Variants in PEAK1 observed in about 807,000 individuals in gnomAD.
The protein encoded by PEAK1 is inactive tyrosine-protein kinase PEAK1.
PEAK1 carries 54 observed loss-of-function variants against 124.7 expected under a neutral mutation model. The observed-to-expected ratio is 0.43, with a 90% CI of 0.35 to 0.54. The LOEUF (loss-of-function observed/expected upper bound fraction) is 0.54. Ranked by LOEUF, PEAK1 falls within the 20% of genes least tolerant of loss-of-function variation. PEAK1 has a pLI of 0.01. For missense variants in PEAK1, 2,046 were observed against 2,134.5 expected (o/e 0.96, Z 0.82); for synonymous variants, 719 against 760.0 (o/e 0.95, Z 0.89).
chr15:77,236,382 G>A (rs1471690062), intron 6 of PEAK1, among the ~76,000 whole-genome samples: 1 of 152,208 alleles, frequency 6.6e-6, no homozygotes, highest in Non-Finnish European at 1.5e-5. Context: ...ATCATTTTGG[G>A]ACTTTAAGAT....
chr15:77,283,284 CTTTCT>C (rs1416091889), intron 5 of PEAK1, among the ~76,000 whole-genome samples: 2 of 152,144 alleles, frequency 1.3e-5, no homozygotes, highest in Non-Finnish European at 1.5e-5. Flanking sequence ...GGAGATCCTC[CTTTCT>C]TTTATTAGTT....
intron 6 of PEAK1, among the ~76,000 whole-genome samples, chr15:77,195,838 G>A (rs764037045): frequency 2.0e-5 from 3 of 152,170 alleles, no homozygotes; most frequent in Non-Finnish European, 2.9e-5. Flanking sequence ...ATGTGTTGCC[G>A]ACGCTCCATC....
At chr15:77,264,156 T>A (rs1227561182) in intron 5 of PEAK1, among the ~76,000 whole-genome samples, 1 of 152,132 alleles carries the variant, frequency 6.6e-6, no homozygotes, top group Non-Finnish European at 1.5e-5. Flanking sequence ...TCATACTGAA[T>A]GGGCAAAAAC....
At chr15:77,365,979 A>C (rs1396027058) in intron 1 of PEAK1, among the ~76,000 whole-genome samples, 11 of 152,184 alleles carry the variant, frequency 7.2e-5, no homozygotes, top group Admixed American at 7.2e-4. Context: ...AAATAAAACC[A>C]ATGTCTACTA....
chr15:77,369,472 A>C (rs146550673), intron 1 of PEAK1, among the ~76,000 whole-genome samples: 1 of 152,148 alleles, frequency 6.6e-6, no homozygotes, highest in African/African-American at 2.4e-5. Context: ...CAAGTACCCT[A>C]ATCAACTAAA....
intron 1 of PEAK1, among the ~76,000 whole-genome samples, chr15:77,415,610 TAGC>T (rs957457628): frequency 2.6e-5 from 4 of 152,228 alleles, no homozygotes; most frequent in African/African-American, 9.6e-5. Context: ...CCTTCACTCT[TAGC>T]AGATGATCAA....
chr15:77,134,634 T>C (rs971592977), intron 8 of PEAK1, among the ~76,000 whole-genome samples: 6 of 152,230 alleles, frequency 3.9e-5, no homozygotes, highest in Admixed American at 1.3e-4. Context: ...TCAGGGCTTA[T>C]TGTATAACAG....
intron 2 of PEAK1, chr15:77,346,732 T>C: frequency 1.0e-6 from 1 of 982,192 alleles, no homozygotes; most frequent in African/African-American, 1.7e-5. Flanking sequence ...GAAAAGACAT[T>C]TGTACGAATA....
intron 9 of PEAK1, among the ~76,000 whole-genome samples, chr15:77,129,283 A>G (rs1210388650): frequency 1.3e-5 from 2 of 152,248 alleles, no homozygotes; most frequent in African/African-American, 4.8e-5. Flanking sequence ...TAGGGAAAAT[A>G]AATTTCTGTT....
intron 2 of PEAK1, among the ~76,000 whole-genome samples, chr15:77,342,807 C>T (rs1046744904): frequency 1.3e-5 from 2 of 152,118 alleles, no homozygotes; most frequent in Non-Finnish European, 2.9e-5. Flanking sequence ...CTTTCTAAAG[C>T]TAAATAATAT....
At chr15:77,310,356 T>G (rs11633318) in intron 2 of PEAK1, among the ~76,000 whole-genome samples, 1 of 152,044 alleles carries the variant, frequency 6.6e-6, no homozygotes, top group African/African-American at 2.4e-5. Flanking sequence ...TAAGCAGAAC[T>G]TAAATTACTT....
intron 1 of PEAK1, among the ~76,000 whole-genome samples, chr15:77,379,909 G>A (rs1475317303): frequency 6.6e-6 from 1 of 152,056 alleles, no homozygotes; most frequent in Non-Finnish European, 1.5e-5. Context: ...ACTTAATTTG[G>A]ATAACTACTC....
intron 6 of PEAK1, among the ~76,000 whole-genome samples, chr15:77,199,005 A>C (rs541244343): frequency 6.6e-6 from 1 of 152,326 alleles, no homozygotes; most frequent in African/African-American, 2.4e-5. Context: ...TATGGAAGAG[A>C]AGTAAGCACC....
chr15:77,235,727 A>G (rs1312729978), intron 6 of PEAK1, among the ~76,000 whole-genome samples: 1 of 152,212 alleles, frequency 6.6e-6, no homozygotes, highest in African/African-American at 2.4e-5. Context: ...CAGACCTTCA[A>G]GGCAGCCCCT....
chr15:77,393,423 T>C (rs1347214010), intron 1 of PEAK1, among the ~76,000 whole-genome samples: 2 of 152,138 alleles, frequency 1.3e-5, no homozygotes. Context: ...GAGGACTTTG[T>C]CTTGCAACTT....
At chr15:77,178,712 A>G in intron 7 of PEAK1, 78 bp downstream of exon 7, 1 of 1,386,516 alleles carries the variant, frequency 7.2e-7, no homozygotes, top group South Asian at 1.4e-5. Context: ...TTCTTATGCA[A>G]TCTTAAAAGA....
At chr15:77,309,430 AG>A (rs1214096007) in intron 2 of PEAK1, among the ~76,000 whole-genome samples, 1 of 152,024 alleles carries the variant, frequency 6.6e-6, no homozygotes, top group Non-Finnish European at 1.5e-5. Flanking sequence ...TTTTCCAGCA[AG>A]GGAAAAAAAA....
intron 9 of PEAK1, among the ~76,000 whole-genome samples, chr15:77,121,358 G>C (rs914771031): frequency 1.3e-5 from 2 of 152,200 alleles, no homozygotes; most frequent in Non-Finnish European, 2.9e-5. Flanking sequence ...GGCAGCATCT[G>C]ATCCAGTGCT....
chr15:77,183,467 TATGA>T (rs1184766826), intron 6 of PEAK1, among the ~76,000 whole-genome samples: 1 of 152,210 alleles, frequency 6.6e-6, no homozygotes, highest in Non-Finnish European at 1.5e-5. Flanking sequence ...TCATTACAGA[TATGA>T]ATTAATAGAT....
Sources: gnomAD v4.1 joint callset for allele counts (sites outside exome capture counted in the v4.1 genomes callset) on GRCh38, gnomAD v4.1.1 for gene constraint, MANE v1.5 for transcripts, NCBI Gene and HGNC (gene_info 2026-07-23, HGNC 2026-07-21) for gene names.